The following ROBO2 variants were observed in gnomAD, a reference collection of about 807,000 sequenced individuals.
ROBO2 encodes roundabout guidance receptor 2.
A neutral mutation model predicts 160.8 loss-of-function variants in ROBO2; 53 were observed. That is an observed-to-expected ratio of 0.33 (90% CI 0.26 to 0.41). The LOEUF is 0.41. ROBO2 is among the 10% of genes least tolerant of loss of function. ROBO2 has a pLI of 1.00. For synonymous variants in ROBO2, 664 were observed against 611.7 expected, an observed-to-expected ratio of 1.09 and a Z score of -1.26; for missense variants, 1,577 against 1,722.4, an observed-to-expected ratio of 0.92 and a Z score of 1.49.
chr3:76,077,597 C>A (rs535361670), intron 2 of ROBO2, among the ~76,000 whole-genome samples: 195 of 151,870 alleles, frequency 1.3e-3, no homozygotes, highest in African/African-American at 4.6e-3. Flanking sequence ...ATAATAAAAT[C>A]ATAATGAATT....
intron 2 of ROBO2, among the ~76,000 whole-genome samples, chr3:76,824,878 C>T (rs971528526): frequency 6.6e-5 from 10 of 152,236 alleles, no homozygotes; most frequent in African/African-American, 2.4e-5. Flanking sequence ...GCTGTGGCCT[C>T]GGGATAGTAT....
At chr3:76,919,156 C>G (rs1425493183) in intron 2 of ROBO2, among the ~76,000 whole-genome samples, 1 of 151,986 alleles carries the variant, frequency 6.6e-6, no homozygotes, top group African/African-American at 2.4e-5. Context: ...GTGTAACAAA[C>G]CTGCACATTC....
At chr3:76,484,091 T>C (rs932936168) in intron 2 of ROBO2, among the ~76,000 whole-genome samples, 2 of 152,190 alleles carry the variant, frequency 1.3e-5, no homozygotes, top group Non-Finnish European at 1.5e-5. Context: ...AGTAATAGGA[T>C]TGCTGTGTCG....
chr3:77,033,773 A>T (rs1349502927), intron 2 of ROBO2, among the ~76,000 whole-genome samples: 1 of 152,120 alleles, frequency 6.6e-6, no homozygotes, highest in Non-Finnish European at 1.5e-5. Flanking sequence ...ATTGCTAAAA[A>T]CCAAAAATTA....
intron 2 of ROBO2, among the ~76,000 whole-genome samples, chr3:76,501,942 C>T (rs2080483752): frequency 6.6e-6 from 1 of 152,080 alleles, no homozygotes; most frequent in African/African-American, 2.4e-5. Context: ...ATCAAAACTT[C>T]AACTATTGTG....
At chr3:77,315,731 G>A (rs541917225) in intron 2 of ROBO2, among the ~76,000 whole-genome samples, 159 of 152,178 alleles carry the variant, frequency 1.0e-3, no homozygotes, top group African/African-American at 3.7e-3. Flanking sequence ...TTTGCACAGC[G>A]TCTTATTTTT....
intron 2 of ROBO2, among the ~76,000 whole-genome samples, chr3:76,270,257 C>G (rs1488627792): frequency 6.6e-6 from 1 of 152,066 alleles, no homozygotes; most frequent in Non-Finnish European, 1.5e-5. Flanking sequence ...CAATCCAACA[C>G]TTTAAATACA....
chr3:77,374,531 G>T (rs1048913875), intron 2 of ROBO2, among the ~76,000 whole-genome samples: 1 of 152,092 alleles, frequency 6.6e-6, no homozygotes, highest in African/African-American at 2.4e-5. Context: ...AGAAAATATT[G>T]CCATTTAAAC....
At chr3:76,259,100 T>C (rs1706579660) in intron 2 of ROBO2, among the ~76,000 whole-genome samples, 1 of 152,158 alleles carries the variant, frequency 6.6e-6, no homozygotes. Context: ...TAGGGTGACC[T>C]AATCTCACTA....
At chr3:77,476,037 A>G (rs1464577196) in intron 2 of ROBO2, among the ~76,000 whole-genome samples, 1 of 152,234 alleles carries the variant, frequency 6.6e-6, no homozygotes, top group Non-Finnish European at 1.5e-5. Context: ...AAGGTGCTCT[A>G]ATCTCATAAA....
At chr3:76,657,602 A>G (rs115163068) in intron 2 of ROBO2, among the ~76,000 whole-genome samples, 3,238 of 133,954 alleles carry the variant, frequency 0.024, 140 homozygotes, top group African/African-American at 0.086. Flanking sequence ...ATATATATGT[A>G]TATATATATT....
chr3:76,733,064 AAGAAATGCAC>A (rs1378743756), intron 2 of ROBO2, among the ~76,000 whole-genome samples: 1 of 152,104 alleles, frequency 6.6e-6, no homozygotes, highest in African/African-American at 2.4e-5. Flanking sequence ...ATAATTTATG[AAGAAATGCAC>A]AGAAAAGCAA....
At chr3:76,938,800 T>C (rs1304537212) in intron 2 of ROBO2, among the ~76,000 whole-genome samples, 1 of 151,722 alleles carries the variant, frequency 6.6e-6, no homozygotes, top group African/African-American at 2.4e-5. Flanking sequence ...AGAAACCCCG[T>C]CTCTACTAAA....
chr3:77,442,298 C>T (rs537075109), intron 2 of ROBO2, among the ~76,000 whole-genome samples: 1 of 150,802 alleles, frequency 6.6e-6, no homozygotes, highest in African/African-American at 2.4e-5. Context: ...GGCGACAGAG[C>T]GAGACTCCGG....
intron 2 of ROBO2, among the ~76,000 whole-genome samples, chr3:77,378,395 C>T (rs1293381563): frequency 6.6e-6 from 1 of 152,160 alleles, no homozygotes; most frequent in African/African-American, 2.4e-5. Flanking sequence ...AACTTAAGGA[C>T]TTGCTCAAGA....
At chr3:77,063,985 C>T (rs2066583418) in intron 1 of ROBO2, among the ~76,000 whole-genome samples, 1 of 152,062 alleles carries the variant, frequency 6.6e-6, no homozygotes, top group African/African-American at 2.4e-5. Flanking sequence ...TTGCATTGTA[C>T]TTGTTAGTGC....
intron 2 of ROBO2, among the ~76,000 whole-genome samples, chr3:76,760,354 T>C (rs1233828375): frequency 6.6e-6 from 1 of 151,808 alleles, no homozygotes; most frequent in East Asian, 2.0e-4. Context: ...CTTTAGCCTC[T>C]GATTTTTTTA....
At chr3:76,086,148 G>A (rs1271724413) in intron 2 of ROBO2, among the ~76,000 whole-genome samples, 1 of 152,028 alleles carries the variant, frequency 6.6e-6, no homozygotes, top group Admixed American at 6.6e-5. Flanking sequence ...CTCACAGTAC[G>A]GCCTGGCTGC....
At chr3:76,180,624 C>G (rs894743120) in intron 2 of ROBO2, among the ~76,000 whole-genome samples, 1 of 152,162 alleles carries the variant, frequency 6.6e-6, no homozygotes, top group East Asian at 1.9e-4. Flanking sequence ...AATATTCCTT[C>G]TATGCCTGCT....
Sources: gnomAD v4.1 joint callset for allele counts (sites outside exome capture counted in the v4.1 genomes callset) on GRCh38, gnomAD v4.1.1 for gene constraint, MANE v1.5 for transcripts, NCBI Gene and HGNC (gene_info 2026-07-23, HGNC 2026-07-21) for gene names.